The following MYBL2 variants were observed in gnomAD, a reference collection of about 807,000 sequenced individuals.
MYBL2 encodes myb-related protein B.
Under a neutral mutation model 79.9 loss-of-function variants are expected in MYBL2, and 28 were observed. The ratio of observed to expected loss-of-function variants is 0.35; its 90% CI spans 0.26 to 0.48. MYBL2 has a LOEUF of 0.48. Ranked by LOEUF, MYBL2 falls within the 20% of genes least tolerant of loss-of-function variation. The pLI is 0.99. For synonymous variants in MYBL2, 378 were observed against 361.2 expected (o/e 1.05, Z -0.53); for missense variants, 735 against 893.9 (o/e 0.82, Z 2.27).
chr20:43,713,126 G>T lies in MYBL2; in HGVS notation c.1824+20G>T. 6.3e-7 allele frequency: 1 copy of T among 1,586,012 alleles called. No individual in the cohort carries two copies. Among genetic ancestry groups the T allele is most frequent in the South Asian group, 1.1e-5 (1 of 89,120 alleles). ...TCCTTGGTAAGGCTTCTGCTCCTTG[G>T]AACTGTTGAGTTTTGGAGAGGACCC... is the stretch of plus-strand genomic sequence containing the variant. On this transcript the variant is annotated intron_variant, in intron 12 of 13. Coordinates refer to ENST00000217026, the MANE Select transcript of MYBL2 (RefSeq NM_002466.4).
intron 13 of MYBL2, 145 bp downstream of exon 13, chr20:43,715,428 T>C (rs1988009777): frequency 7.4e-7 from 1 of 1,343,922 alleles, no homozygotes; most frequent in Non-Finnish European, 1.0e-6. Context: ...CTGGGTGCTT[T>C]TCCTGCTACT....
intron 2 of MYBL2, 55 bp downstream of exon 2, chr20:43,673,954 C>T: frequency 1.4e-6 from 2 of 1,450,050 alleles, no homozygotes; most frequent in Non-Finnish European, 1.9e-6. Flanking sequence ...TCCAGAGGAA[C>T]TGAGCCTGGA....
chr20:43,676,878 G>GT lies in MYBL2; in HGVS notation c.114+2990dup, dbSNP rs11477552. Among the ~76,000 whole-genome samples, 1,328 of 144,166 alleles carry GT rather than the reference G, an allele frequency of 9.2e-3. 57 individuals are homozygous for GT. The East Asian group carries it at 0.14, about 16-fold the overall frequency. The allele number at this position is 144,166 out of a possible 152,430, so 94.6% of individuals were successfully genotyped here. ...TAGATGTCTTTAATTTTAGGATTGG[G>GT]TTTTTTTTTTTGTATTGTATTATTT... On this transcript the variant is annotated intron_variant, in intron 2 of 13. Transcript: ENST00000217026.
intron 6 of MYBL2, among the ~76,000 whole-genome samples, chr20:43,692,933 C>G (rs978281645): frequency 1.3e-5 from 2 of 152,194 alleles, no homozygotes; most frequent in South Asian, 2.1e-4. Flanking sequence ...CTTTTCTTAG[C>G]CTTTTTTCGG....
Position 43,699,324 on chromosome 20 carries a change from G to A in MYBL2, c.664-433G>A, listed in dbSNP as rs565562571. Among the ~76,000 whole-genome samples the A allele has an allele frequency of 3.3e-5, 5 of 152,346 alleles. 1 individual carries two copies. Among genetic ancestry groups the A allele is most frequent in the African/African-American group, 1.2e-4 (5 of 41,584 alleles). On this transcript the variant is annotated intron_variant, in intron 6 of 13. Transcript: ENST00000217026. ...ACCTCCCAAAGTGTTGGGATTACAG[G>A]CGTGAGCCTCTGCACCCAACCTCTG...
chr20:43,698,611 C>G (rs1221256696), intron 6 of MYBL2, among the ~76,000 whole-genome samples: 2 of 151,032 alleles, frequency 1.3e-5, no homozygotes, highest in Non-Finnish European at 2.9e-5. Flanking sequence ...TCCTCCTGAC[C>G]TTGTGATCCG....
chr20:43,700,175 G>T, intron 7 of MYBL2, 131 bp downstream of exon 7: 1 of 1,270,802 alleles, frequency 7.9e-7, no homozygotes, highest in Non-Finnish European at 1.1e-6. Context: ...TGAATGCCTA[G>T]CCCTGACCCA....
At chr20:43,667,952 G>A (rs551760948) in intron 1 of MYBL2, among the ~76,000 whole-genome samples, 106 of 152,230 alleles carry the variant, frequency 7.0e-4, no homozygotes, top group African/African-American at 2.3e-3. Context: ...TTGAAGGTGC[G>A]GGGGAGAGAG....
rs2145738809 is a variant in MYBL2 at position 43,715,838 on chromosome 20, G to C, written c.1975-121G>C. 6 of 1,337,954 alleles carry C rather than the reference G, an allele frequency of 4.5e-6. No individual in the cohort carries two copies. In the Middle Eastern group the frequency reaches 5.7e-4, roughly 128 times the overall value. The allele number at this position is 1,337,954 out of a possible 1,614,324, so 82.9% of individuals were successfully genotyped here. On this transcript the variant is annotated intron_variant, in intron 13 of 13. Coordinates refer to ENST00000217026, the MANE Select transcript of MYBL2 (RefSeq NM_002466.4). ...CACAGGGAATGTGGAGAGAGAATAAGAAGGCTCTGGCTTCTAGGGGAGGGA... is the reference window on the plus strand; with the variant it reads ...CACAGGGAATGTGGAGAGAGAATAACAAGGCTCTGGCTTCTAGGGGAGGGA...
At chr20:43,672,413 A>G (rs1250358903) in intron 1 of MYBL2, among the ~76,000 whole-genome samples, 2 of 128,048 alleles carry the variant, frequency 1.6e-5, no homozygotes, top group African/African-American at 3.0e-5. Context: ...TAGCATACTG[A>G]GACCCTGTCA....
intron 5 of MYBL2, 87 bp from the exon 6 acceptor site, chr20:43,692,070 G>A: frequency 7.8e-7 from 1 of 1,288,620 alleles, no homozygotes; most frequent in East Asian, 2.3e-5. Context: ...ACAGGAGCAG[G>A]AACTTGGCTT....
At chr20:43,692,074 T>C in intron 5 of MYBL2, 83 bp from the exon 6 acceptor site, 1 of 1,351,288 alleles carries the variant, frequency 7.4e-7, no homozygotes, top group Non-Finnish European at 1.0e-6. Context: ...GAGCAGGAAC[T>C]TGGCTTAGGG....
In MYBL2 at chr20:43,699,886, C is replaced by T. The variant is rs1600558606; in HGVS notation, c.793C>T (p.Arg265Ter). ...EPIGTDLDAV[R>*]TPEPLEEFPK... is the part of the protein sequence containing the mutation. Reference sequence around the variant, plus strand: ...CATCGGTACAGATCTGGACGCAGTGCGAACACCAGAGCCCTTGGAGGAATT... The same window carrying T: ...CATCGGTACAGATCTGGACGCAGTGTGAACACCAGAGCCCTTGGAGGAATT... The change falls in exon 7 of 14, where the codon CGA becomes TGA. Residue 265 changes from arginine (R) to a stop codon, truncating the protein, a stop_gained. Coordinates refer to ENST00000217026, the MANE Select transcript of MYBL2 (RefSeq NM_002466.4). LOFTEE classifies it high-confidence loss of function. 6.2e-7 allele frequency: 1 copy of T among 1,614,000 alleles called. No homozygotes were observed. The highest frequency in any genetic ancestry group is 8.5e-7 in the Non-Finnish European group (1 of 1,179,960).
intron 6 of MYBL2, among the ~76,000 whole-genome samples, chr20:43,693,322 A>G (rs1319221051): frequency 2.6e-5 from 4 of 152,076 alleles, no homozygotes; most frequent in Admixed American, 6.6e-5. Context: ...GTGAGCCACC[A>G]TGTCTGGCAC....
chr20:43,678,321 AAG>A (rs1568850298), intron 2 of MYBL2, among the ~76,000 whole-genome samples: 877 of 53,946 alleles, frequency 0.016, 9 homozygotes, highest in African/African-American at 0.04. Context: ...TAAAGAAAGA[AAG>A]AAAGAAAGAA....
At chr20:43,668,422 G>C (rs1012486323) in intron 1 of MYBL2, among the ~76,000 whole-genome samples, 1 of 151,930 alleles carries the variant, frequency 6.6e-6, no homozygotes, top group Non-Finnish European at 1.5e-5. Flanking sequence ...GGATGGTCTC[G>C]ATCTCCTGAC....
Position 43,709,998 on chromosome 20 carries a change from A to T in MYBL2, c.1541A>T (p.Asn514Ile), listed in dbSNP as rs1987870345. 2 of 1,609,000 alleles carry T rather than the reference A, an allele frequency of 1.2e-6. No individual in the cohort carries two copies. The highest frequency in any genetic ancestry group is 1.3e-5 in the African/African-American group (1 of 74,874). The stretch of plus-strand genomic sequence containing the variant: ...CCAGATCAGAAGTACTCCATGGACA[A>T]CACTCCCCACACGCCAACCCCGTTC... The part of the protein sequence containing the change: ...VTPDQKYSMD[N>I]TPHTPTPFKN... The change falls in exon 10 of 14, where the codon AAC becomes ATC. Residue 514 changes from asparagine (N) to isoleucine (I), a missense_variant. Asn to Ile is a moderately radical substitution (Grantham distance 149). Transcript: ENST00000217026.
rs1317489318 is a variant in MYBL2 at position 43,692,294 on chromosome 20, A to G, written c.638A>G (p.Gln213Arg). The part of the protein sequence containing the change: ...LLELEDKDGL[Q>R]SAQPTEGQGS... Reference sequence around the variant, plus strand: ...GAGCTCGAGGACAAGGACGGCCTCCAGAGTGCCCAGCCCACGGAAGGCCAG... The same window carrying G: ...GAGCTCGAGGACAAGGACGGCCTCCGGAGTGCCCAGCCCACGGAAGGCCAG... Residue 213 changes from glutamine to arginine, a missense_variant, in exon 6 of 14, where the codon CAG (glutamine) becomes CGG (arginine). Coordinates refer to ENST00000217026, the MANE Select transcript of MYBL2 (RefSeq NM_002466.4). 2 of 1,614,086 alleles carry G rather than the reference A, an allele frequency of 1.2e-6. No individual in the cohort carries two copies. Among genetic ancestry groups the G allele is most frequent in the Admixed American group, 1.7e-5 (1 of 59,986 alleles).
At chr20:43,680,923 A>G (rs1430370835) in intron 2 of MYBL2, among the ~76,000 whole-genome samples, 2 of 152,194 alleles carry the variant, frequency 1.3e-5, no homozygotes, top group African/African-American at 4.8e-5. Flanking sequence ...ATTGTCCCCA[A>G]GACATTCCTT....
Sources: gnomAD v4.1 joint callset for allele counts (sites outside exome capture counted in the v4.1 genomes callset) on GRCh38, gnomAD v4.1.1 for gene constraint, MANE v1.5 for transcripts, NCBI Gene and HGNC (gene_info 2026-07-23, HGNC 2026-07-21) for gene names.